NXPH1: variants seen among roughly 807,000 people sequenced by gnomAD.
NXPH1 encodes neurexophilin-1.
A neutral mutation model predicts 23.7 loss-of-function variants in NXPH1; 5 were observed. The ratio of observed to expected loss-of-function variants is 0.21; its 90% CI spans 0.11 to 0.44. The LOEUF (loss-of-function observed/expected upper bound fraction) is 0.44, where lower values mean the gene tolerates loss of function less well. Ranked by LOEUF, NXPH1 falls within the 20% of genes least tolerant of loss-of-function variation. NXPH1 has a pLI of 0.99. For missense variants in NXPH1, 324 were observed against 321.6 expected (o/e 1.01, Z -0.06); for synonymous variants, 144 against 122.2 (o/e 1.18, Z -1.18).
At chr7:8,516,996 A>G (rs1817697025) in intron 2 of NXPH1, among the ~76,000 whole-genome samples, 1 of 152,196 alleles carries the variant, frequency 6.6e-6, no homozygotes, top group Non-Finnish European at 1.5e-5. Flanking sequence ...CTAAGAAAGC[A>G]TGTATAAGTC....
intron 2 of NXPH1, among the ~76,000 whole-genome samples, chr7:8,576,666 A>C (rs1229146324): frequency 6.6e-6 from 1 of 152,056 alleles, no homozygotes; most frequent in Non-Finnish European, 1.5e-5. Context: ...ACTTTGTGGA[A>C]CAGACAGTAG....
At chr7:8,575,551 C>T (rs1023995328) in intron 2 of NXPH1, among the ~76,000 whole-genome samples, 1 of 152,154 alleles carries the variant, frequency 6.6e-6, no homozygotes, top group African/African-American at 2.4e-5. Flanking sequence ...TTGCTCTGAT[C>T]TTAAAAGTCT....
rs1394468596 is a variant in NXPH1 at position 8,655,430 on chromosome 7, C to A, written c.55-95578C>A. Among the ~76,000 whole-genome samples the A allele has an allele frequency of 5.5e-4, 28 of 51,046 alleles. 1 individual carries two copies. Among genetic ancestry groups the A allele is most frequent in the African/African-American group, 1.2e-4 (2 of 16,572 alleles). The allele number at this position is 51,046 out of a possible 152,430, so 33.5% of individuals were successfully genotyped here. On this transcript the variant is annotated intron_variant, in intron 2 of 2. Coordinates refer to ENST00000405863, the MANE Select transcript of NXPH1 (RefSeq NM_152745.3). ...TCTCTCTCTCTCTCTCTCTCTCTCT[C>A]TCTCTCTCTCTCTCTCTCTATACAC...
At chr7:8,575,679 T>C (rs1222398897) in intron 2 of NXPH1, among the ~76,000 whole-genome samples, 1 of 152,106 alleles carries the variant, frequency 6.6e-6, no homozygotes, top group African/African-American at 2.4e-5. Flanking sequence ...TAATTTTCTA[T>C]AATGTTTCCT....
intron 2 of NXPH1, among the ~76,000 whole-genome samples, chr7:8,449,299 C>T (rs1193717208): frequency 6.6e-6 from 1 of 152,158 alleles, no homozygotes; most frequent in East Asian, 1.9e-4. Context: ...AAGGCATTGC[C>T]CTGGGTATCC....
intron 2 of NXPH1, among the ~76,000 whole-genome samples, chr7:8,634,282 T>C (rs1412008945): frequency 1.3e-5 from 2 of 152,076 alleles, no homozygotes; most frequent in Non-Finnish European, 2.9e-5. Flanking sequence ...TAAAGGGCGG[T>C]TCCCCTGCAC....
At chr7:8,719,424 T>C (rs924832292) in intron 2 of NXPH1, among the ~76,000 whole-genome samples, 7 of 152,194 alleles carry the variant, frequency 4.6e-5, no homozygotes, top group Non-Finnish European at 8.8e-5. Context: ...AAAAATATTA[T>C]GGCTTGGATA....
chr7:8,495,141 G>C (rs1033757581), intron 2 of NXPH1, among the ~76,000 whole-genome samples: 5 of 151,938 alleles, frequency 3.3e-5, no homozygotes, highest in African/African-American at 1.2e-4. Context: ...AACTGGCTCA[G>C]TGATTGGGGG....
chr7:8,551,424 C>T (rs1193379545), intron 2 of NXPH1, among the ~76,000 whole-genome samples: 3 of 151,348 alleles, frequency 2.0e-5, no homozygotes, highest in Non-Finnish European at 4.4e-5. Flanking sequence ...TTCAGCCAGA[C>T]TTTTAAAAAT....
intron 2 of NXPH1, among the ~76,000 whole-genome samples, chr7:8,597,337 G>C (rs1044101239): frequency 6.6e-6 from 1 of 152,028 alleles, no homozygotes; most frequent in South Asian, 2.1e-4. Context: ...TGGTGGCTGG[G>C]AGACCACTTC....
chr7:8,554,531 T>C (rs1270962477), intron 2 of NXPH1, among the ~76,000 whole-genome samples: 2 of 151,744 alleles, frequency 1.3e-5, no homozygotes, highest in African/African-American at 4.8e-5. Context: ...ACATTTATAA[T>C]AGGCTCTTAG....
intron 2 of NXPH1, among the ~76,000 whole-genome samples, chr7:8,714,252 A>G (rs1779843076): frequency 6.6e-6 from 1 of 151,892 alleles, no homozygotes; most frequent in Non-Finnish European, 1.5e-5. Context: ...CCAGGCTACC[A>G]CTGGTATTCA....
chr7:8,623,988 C>T (rs928483870), intron 2 of NXPH1, among the ~76,000 whole-genome samples: 8 of 151,968 alleles, frequency 5.3e-5, no homozygotes, highest in South Asian at 2.1e-4. Context: ...AGATGAGCAA[C>T]GTGCTATTCT....
intron 2 of NXPH1, among the ~76,000 whole-genome samples, chr7:8,730,827 G>C (rs1290078003): frequency 6.6e-6 from 1 of 150,564 alleles, no homozygotes; most frequent in Non-Finnish European, 1.5e-5. Context: ...TCTTGGAGTT[G>C]CTCTTCTCGA....
At chr7:8,674,813 G>A (rs147765711) in intron 2 of NXPH1, among the ~76,000 whole-genome samples, 91 of 152,258 alleles carry the variant, frequency 6.0e-4, no homozygotes, top group Middle Eastern at 6.8e-3. Context: ...TCACAGAAGG[G>A]ATGCCAACTA....
chr7:8,671,892 G>A (rs986284370), intron 2 of NXPH1, among the ~76,000 whole-genome samples: 3 of 152,118 alleles, frequency 2.0e-5, no homozygotes, highest in African/African-American at 7.2e-5. Context: ...CTGTATAAAT[G>A]TCTTCTTTTG....
intron 2 of NXPH1, among the ~76,000 whole-genome samples, chr7:8,657,914 G>A (rs541463294): frequency 6.6e-6 from 1 of 152,270 alleles, no homozygotes; most frequent in South Asian, 2.1e-4. Flanking sequence ...TGTAATCCCA[G>A]CTACTCGGGG....
intron 2 of NXPH1, among the ~76,000 whole-genome samples, chr7:8,672,386 G>C (rs1448089234): frequency 6.6e-6 from 1 of 151,732 alleles, no homozygotes; most frequent in African/African-American, 2.4e-5. Context: ...CGAGTTAATG[G>C]GTGCAGCACA....
chr7:8,481,689 C>G (rs552499402), intron 2 of NXPH1, among the ~76,000 whole-genome samples: 1 of 152,208 alleles, frequency 6.6e-6, no homozygotes, highest in South Asian at 2.1e-4. Flanking sequence ...ATTTTTATTT[C>G]ATTTTAGATT....
Sources: gnomAD v4.1 joint callset for allele counts (sites outside exome capture counted in the v4.1 genomes callset) on GRCh38, gnomAD v4.1.1 for gene constraint, MANE v1.5 for transcripts, NCBI Gene and HGNC (gene_info 2026-07-23, HGNC 2026-07-21) for gene names.